Variants in MROH9 observed in about 807,000 individuals in gnomAD.
MROH9 encodes the protein maestro heat like repeat family member 9, also known as maestro heat-like repeat-containing protein family member 9.
In MROH9, 92 loss-of-function variants were observed where a neutral mutation model predicts 98.2. The observed-to-expected ratio is 0.94, with a 90% CI of 0.79 to 1.11. The LOEUF (loss-of-function observed/expected upper bound fraction) is 1.11. Among genes scored for constraint, MROH9 ranks in the 50% most tolerant of loss-of-function variants. MROH9 has a pLI of 0.00. For missense variants in MROH9, 1,057 were observed against 1,014.8 expected (o/e 1.04, Z -0.57); for synonymous variants, 397 against 368.9 (o/e 1.08, Z -0.87).
At chr1:171,017,501 T>G (rs563303042) in intron 17 of MROH9, among the ~76,000 whole-genome samples, 34 of 152,334 alleles carry the variant, frequency 2.2e-4, no homozygotes, top group African/African-American at 8.2e-4. Context: ...CAACAGCCAC[T>G]AAGCTAGAAT....
At chr1:170,979,799 ATC>A in intron 8 of MROH9, among the ~76,000 whole-genome samples, 1 of 152,144 alleles carries the variant, frequency 6.6e-6, no homozygotes, top group Admixed American at 6.5e-5. Context: ...AGAGGAAGTC[ATC>A]TCTGTTTGCA....
At chr1:170,986,361 T>A (rs868660492) in intron 9 of MROH9, among the ~76,000 whole-genome samples, 200 bp from the exon 10 acceptor site, 29 of 152,344 alleles carry the variant, frequency 1.9e-4, no homozygotes, top group South Asian at 4.1e-4. Context: ...TGGATTATAG[T>A]CATTTTTGTA....
At chr1:170,939,954 C>T (rs61815196) in intron 1 of MROH9, among the ~76,000 whole-genome samples, 14,744 of 152,186 alleles carry the variant, frequency 0.097, 1,141 homozygotes, top group African/African-American at 0.21. Context: ...TCAAGCACCA[C>T]TGGATCTGCT....
chr1:170,968,332 T>A (rs1650311120), intron 7 of MROH9, among the ~76,000 whole-genome samples: 1 of 152,160 alleles, frequency 6.6e-6, no homozygotes. Context: ...GAATTTTTCT[T>A]TTGCAAAAAC....
intron 7 of MROH9, among the ~76,000 whole-genome samples, chr1:170,966,811 G>A (rs1163962191): frequency 1.3e-5 from 2 of 152,036 alleles, no homozygotes; most frequent in African/African-American, 4.8e-5. Flanking sequence ...TACATTTGGT[G>A]TCCAGAAGGT....
chr1:171,043,979 C>T (rs1186672445), intron 20 of MROH9, among the ~76,000 whole-genome samples: 1 of 152,210 alleles, frequency 6.6e-6, no homozygotes, highest in East Asian at 1.9e-4. Context: ...TATCTGATTG[C>T]TCTAGCTAGG....
In MROH9 at chr1:171,016,179, G is replaced by A; in HGVS notation, c.1751G>A (p.Ser584Asn). Reference sequence around the variant, plus strand: ...TATATGTAGACAGAAAATGTCAGCAGTATATTAATAGCCATCCTGGATGCC... The same window carrying A: ...TATATGTAGACAGAAAATGTCAGCAATATATTAATAGCCATCCTGGATGCC... ...PIINKTENVSSILIAILDAFL... is the reference protein window; with the variant it reads ...PIINKTENVSNILIAILDAFL... The change falls in exon 17 of 22, where the codon AGT becomes AAT. Residue 584 changes from serine (S) to asparagine (N), a missense_variant. Ser to Asn is a conservative substitution (Grantham distance 46, BLOSUM62 1). Transcript: ENST00000367759. The A allele has an allele frequency of 1.3e-6, 2 of 1,505,808 alleles. No individual in the cohort carries two copies. Among genetic ancestry groups the A allele is most frequent in the Non-Finnish European group, 1.8e-6 (2 of 1,127,038 alleles). 93.3% of individuals were successfully genotyped at this position (1,505,808 alleles called of 1,614,324 possible). A position where few individuals can be genotyped will look rare whatever the true frequency, so the allele number is the denominator to read the frequency against.
rs575178323 is a variant in MROH9, at chr1:171,063,482, G to A, written c.2345-617G>A. ...TTAGCCAGGATGGTCTCGATCTCCT[G>A]ACCCCGAGATCCACCTGCCTCGGTC... is the stretch of plus-strand genomic sequence containing the variant. On this transcript the variant is annotated intron_variant, in intron 21 of 21. Coordinates refer to ENST00000367759, the MANE Select transcript of MROH9 (RefSeq NM_001163629.2). Among the ~76,000 whole-genome samples the A allele has an allele frequency of 2.9e-4, 44 of 152,090 alleles. 1 individual carries two copies. Among genetic ancestry groups the A allele is most frequent in the African/African-American group, 1.0e-3 (42 of 41,474 alleles).
At chr1:170,993,891 A>T (rs563654250) in intron 12 of MROH9, among the ~76,000 whole-genome samples, 2 of 151,728 alleles carry the variant, frequency 1.3e-5, no homozygotes, top group African/African-American at 4.8e-5. Context: ...TTTTTAATGT[A>T]TTTTTCTCTC....
chr1:171,010,749 G>T (rs991964275), intron 15 of MROH9, among the ~76,000 whole-genome samples: 1 of 152,070 alleles, frequency 6.6e-6, no homozygotes, highest in Admixed American at 6.5e-5. Flanking sequence ...AGAAGTTTCT[G>T]TTCATATTCT....
At chr1:170,978,187 G>C (rs571472248) in intron 8 of MROH9, among the ~76,000 whole-genome samples, 1 of 152,246 alleles carries the variant, frequency 6.6e-6, no homozygotes, top group Non-Finnish European at 1.5e-5. Context: ...GTATGAGCTT[G>C]GGGTTATGCT....
intron 2 of MROH9, among the ~76,000 whole-genome samples, chr1:170,945,948 T>C (rs143063910): frequency 2.4e-4 from 36 of 152,184 alleles, no homozygotes; most frequent in African/African-American, 8.7e-4. Context: ...AAAGTATTGA[T>C]AATACTACAT....
At chr1:170,942,017 T>C (rs1251822575) in intron 1 of MROH9, among the ~76,000 whole-genome samples, 5 of 152,156 alleles carry the variant, frequency 3.3e-5, no homozygotes, top group Non-Finnish European at 7.4e-5. Flanking sequence ...AGCTGCACCA[T>C]TAAATGCAGA....
intron 5 of MROH9, among the ~76,000 whole-genome samples, chr1:170,960,986 C>G (rs1007927914): frequency 5.9e-4 from 90 of 152,140 alleles, no homozygotes; most frequent in Non-Finnish European, 1.5e-4. Context: ...AAAATAAGAA[C>G]CAAGTCACGT....
intron 20 of MROH9, among the ~76,000 whole-genome samples, chr1:171,025,999 C>G (rs1055323933): frequency 2.0e-5 from 3 of 152,232 alleles, no homozygotes; most frequent in South Asian, 4.2e-4. Context: ...AGTGAGTCTC[C>G]AACTTGGCAG....
At chr1:170,971,538 A>G (rs1650455546) in intron 7 of MROH9, among the ~76,000 whole-genome samples, 1 of 152,190 alleles carries the variant, frequency 6.6e-6, no homozygotes, top group Non-Finnish European at 1.5e-5. Flanking sequence ...ACTCTCCACA[A>G]TAACTGTTAC....
chr1:170,964,503 G>C (rs1042094814), intron 6 of MROH9, among the ~76,000 whole-genome samples: 2 of 152,036 alleles, frequency 1.3e-5, no homozygotes, highest in African/African-American at 2.4e-5. Flanking sequence ...CTTAAAGAAG[G>C]CTATTAATGG....
intron 16 of MROH9, among the ~76,000 whole-genome samples, chr1:171,014,659 C>A (rs189864202): frequency 4.6e-5 from 7 of 152,302 alleles, no homozygotes; most frequent in Admixed American, 3.9e-4. Context: ...TTTACCTATA[C>A]ATATTTACAT....
In MROH9 at chr1:171,016,308, G is replaced by T; in HGVS notation, c.1880G>T (p.Gly627Val). The T allele has an allele frequency of 6.5e-7, 1 of 1,532,612 alleles. No homozygotes were observed. 94.9% of individuals were successfully genotyped at this position (1,532,612 alleles called of 1,614,324 possible). The change falls in exon 17 of 22, where the codon GGT (glycine) becomes GTT (valine). Residue 627 changes from glycine to valine, a missense_variant. Coordinates refer to ENST00000367759, the MANE Select transcript of MROH9 (RefSeq NM_001163629.2). ...ACCTACTCTTTGGGTACCAGAATTG[G>T]TTCCAGCTACTGTACTCTGATGGAT... ...KVTYSLGTRI[G>V]SSYCTLMDHI...
Sources: allele counts gnomAD v4.1 joint callset (sites outside exome capture counted in the v4.1 genomes callset), GRCh38; gene constraint gnomAD v4.1.1; transcripts MANE v1.5; gene names NCBI Gene and HGNC (gene_info 2026-07-23, HGNC 2026-07-21).